KCNE4: variants seen among roughly 807,000 people sequenced by gnomAD.
KCNE4 encodes the protein potassium voltage-gated channel subfamily E regulatory subunit 4.
KCNE4 carries 6 observed loss-of-function variants against 9.2 expected under a neutral mutation model. The ratio of observed to expected loss-of-function variants is 0.65; its 90% CI spans 0.36 to 1.29. KCNE4 has a LOEUF of 1.29. Among genes scored for constraint, KCNE4 ranks in the 50% most tolerant of loss-of-function variants. The pLI is 0.03. For missense variants in KCNE4, 222 were observed against 228.8 expected (o/e 0.97, Z 0.19); for synonymous variants, 115 against 103.2 (o/e 1.11, Z -0.70).
Position 223,052,225 on chromosome 2 carries a change from T to C in KCNE4, c.-73T>C. On this transcript the variant is annotated 5_prime_UTR_variant, in exon 1 of 2. Coordinates refer to ENST00000281830, the MANE Select transcript of KCNE4 (RefSeq NM_080671.4). Reference sequence around the variant, plus strand: ...GCCGGACAGAGCAGAAGAACCCTCTTGGACTGGACGATTTGGGAATTCAAA... The same window carrying C: ...GCCGGACAGAGCAGAAGAACCCTCTCGGACTGGACGATTTGGGAATTCAAA... 5.7e-6 allele frequency: 7 copies of C among 1,235,602 alleles called. No homozygotes were observed. Among genetic ancestry groups the C allele is most frequent in the Non-Finnish European group, 7.1e-6 (7 of 990,402 alleles). 76.5% of individuals were successfully genotyped at this position (1,235,602 alleles called of 1,614,324 possible).
chr2:223,052,310 A>C, intron 1 of KCNE4, 36 bp downstream of exon 1: 1 of 1,234,842 alleles, frequency 8.1e-7, no homozygotes, highest in Non-Finnish European at 1.0e-6. Flanking sequence ...TTTCAGAAAC[A>C]TTTGAAAGAG....
chr2:223,053,496 G>C lies in KCNE4; in HGVS notation c.*153G>C, dbSNP rs1225478249. On this transcript the variant is annotated 3_prime_UTR_variant, in exon 2 of 2. Transcript: ENST00000281830. This position sits in a 1 kb window ranked among gnomAD's most constrained non-coding sequence, Gnocchi z 4.1. ...TGATTCGGGGTGGGGTGGGGGACTAGGCTCAGCCGGAACCAGCACCTCCAA... is the reference window on the plus strand; with the variant it reads ...TGATTCGGGGTGGGGTGGGGGACTACGCTCAGCCGGAACCAGCACCTCCAA... The C allele has an allele frequency of 1.2e-6, 1 of 815,372 alleles. No individual in the cohort carries two copies. The highest frequency in any genetic ancestry group is 2.0e-6 in the Non-Finnish European group (1 of 491,708). The allele number at this position is 815,372 out of a possible 1,614,324, so 50.5% of individuals were successfully genotyped here. A position where few individuals can be genotyped will look rare whatever the true frequency, so the allele number is the denominator to read the frequency against.
Position 223,053,519 on chromosome 2 carries a change from C to A in KCNE4, c.*176C>A. 1 of 696,164 alleles carries A rather than the reference C, an allele frequency of 1.4e-6. No homozygotes were observed. The highest frequency in any genetic ancestry group is 2.5e-6 in the Non-Finnish European group (1 of 392,532). The allele number at this position is 696,164 out of a possible 1,614,324, so 43.1% of individuals were successfully genotyped here. A position where few individuals can be genotyped will look rare whatever the true frequency, so the allele number is the denominator to read the frequency against. On this transcript the variant is annotated 3_prime_UTR_variant, in exon 2 of 2. Transcript: ENST00000281830. The surrounding 1 kb of genome is among the most constrained non-coding windows in gnomAD (Gnocchi z 4.1). ...TAGGCTCAGCCGGAACCAGCACCTC[C>A]AAGGAGTCCGGGAGGTGCCTGTGGT...
rs1162637476 is a variant in KCNE4 at position 223,054,389 on chromosome 2, C to G, written c.*1046C>G. The stretch of plus-strand genomic sequence containing the variant: ...CTCGCTGTCTGCATGAGGCTCCCGA[C>G]GATCTCCATCCCCAGGGGGTTGGGA... On this transcript the variant is annotated 3_prime_UTR_variant, in exon 2 of 2. Coordinates refer to ENST00000281830, the MANE Select transcript of KCNE4 (RefSeq NM_080671.4). 2 of 167,078 alleles carry G rather than the reference C, an allele frequency of 1.2e-5. No homozygotes were observed. The highest frequency in any genetic ancestry group is 2.9e-5 in the Non-Finnish European group (2 of 68,118). 10.3% of individuals were successfully genotyped at this position (167,078 alleles called of 1,614,324 possible). A position where few individuals can be genotyped will look rare whatever the true frequency, so the allele number is the denominator to read the frequency against.
rs1698711024 is a variant in KCNE4 at position 223,052,721 on chromosome 2, G to A, written c.-23-87G>A. The A allele has an allele frequency of 6.3e-6, 9 of 1,427,416 alleles. No individual in the cohort carries two copies. In the South Asian group the frequency reaches 9.8e-5, roughly 16 times the overall value. The allele number at this position is 1,427,416 out of a possible 1,614,324, so 88.4% of individuals were successfully genotyped here. A position where few individuals can be genotyped will look rare whatever the true frequency, so the allele number is the denominator to read the frequency against. On this transcript the variant is annotated intron_variant, in intron 1 of 1. Coordinates refer to ENST00000281830, the MANE Select transcript of KCNE4 (RefSeq NM_080671.4). The stretch of plus-strand genomic sequence containing the variant: ...TTTCATGCACTTTTAAGCTTTTTTG[G>A]TATTGCAGTTCCACAAACCTCGTGC...
rs746551663 is a variant in KCNE4 at position 223,053,410 on chromosome 2, A to T, written c.*67A>T. 4.1e-6 allele frequency: 6 copies of T among 1,477,244 alleles called. No homozygotes were observed. The highest frequency in any genetic ancestry group is 5.6e-6 in the Non-Finnish European group (6 of 1,073,992). 91.5% of individuals were successfully genotyped at this position (1,477,244 alleles called of 1,614,324 possible). On this transcript the variant is annotated 3_prime_UTR_variant, in exon 2 of 2. Transcript: ENST00000281830. The surrounding 1 kb of genome is among the most constrained non-coding windows in gnomAD (Gnocchi z 4.1). ...CTTAGAGAGAGGAAAGACAGTTTTCAAGTGTCTGGTTTCACTTTCACAGTG... is the reference window on the plus strand; with the variant it reads ...CTTAGAGAGAGGAAAGACAGTTTTCTAGTGTCTGGTTTCACTTTCACAGTG...
In KCNE4 at chr2:223,053,181, C is replaced by G. The variant is rs760380181; in HGVS notation, c.351C>G (p.Leu117=). The change falls in exon 2 of 2, where the codon CTC becomes CTG. Residue 117 remains leucine (L), a synonymous_variant. Coordinates refer to ENST00000281830, the MANE Select transcript of KCNE4 (RefSeq NM_080671.4). The surrounding 1 kb of genome is among the most constrained non-coding windows in gnomAD (Gnocchi z 4.1). ...TGGCGCCCGCGCTGTCCTGCACCCTCTGTTCCATGGAAGGGGACAGCGTGA... is the reference window on the plus strand; with the variant it reads ...TGGCGCCCGCGCTGTCCTGCACCCTGTGTTCCATGGAAGGGGACAGCGTGA... ...ESVAPALSCT[L]CSMEGDSVSS... The G allele has an allele frequency of 1.2e-6, 2 of 1,611,580 alleles. No individual in the cohort carries two copies. The highest frequency in any genetic ancestry group is 8.5e-7 in the Non-Finnish European group (1 of 1,178,214).
In KCNE4 at chr2:223,055,611, A is replaced by G. The variant is rs978675682; in HGVS notation, c.*2268A>G. On this transcript the variant is annotated 3_prime_UTR_variant, in exon 2 of 2. Transcript: ENST00000281830. ...TTTTTTAATTTAAATAAATAAACAC[A>G]TTTTTTCCCTCCTGGGAAGTCATGA... is the stretch of plus-strand genomic sequence containing the variant. The G allele has an allele frequency of 1.2e-5, 2 of 163,626 alleles. No homozygotes were observed. Among genetic ancestry groups the G allele is most frequent in the Non-Finnish European group, 2.9e-5 (2 of 68,078 alleles). 10.1% of individuals were successfully genotyped at this position (163,626 alleles called of 1,614,324 possible).
In KCNE4 at chr2:223,054,886, C is replaced by G. The variant is rs1574612434; in HGVS notation, c.*1543C>G. 3 of 166,696 alleles carry G rather than the reference C, an allele frequency of 1.8e-5. No individual in the cohort carries two copies. In the South Asian group the frequency reaches 6.2e-4, roughly 35 times the overall value. The allele number at this position is 166,696 out of a possible 1,614,324, so 10.3% of individuals were successfully genotyped here. ...TTATTTTTTATTTTTAAGACAGAAT[C>G]TCGCTCTGTTGCCCAGGCTGGAGTG... On this transcript the variant is annotated 3_prime_UTR_variant, in exon 2 of 2. Transcript: ENST00000281830.
In KCNE4 at chr2:223,054,336, G is replaced by C. The variant is rs887225488; in HGVS notation, c.*993G>C. The C allele has an allele frequency of 1.2e-5, 2 of 167,080 alleles. No homozygotes were observed. The highest frequency in any genetic ancestry group is 2.9e-5 in the Non-Finnish European group (2 of 68,126). 10.3% of individuals were successfully genotyped at this position (167,080 alleles called of 1,614,324 possible). On this transcript the variant is annotated 3_prime_UTR_variant, in exon 2 of 2. Coordinates refer to ENST00000281830, the MANE Select transcript of KCNE4 (RefSeq NM_080671.4). Reference sequence around the variant, plus strand: ...TCCCGAGCCCTGACACTCATTTGCTGTGTGGTCCCGGGCATGTCATCAAGA... The same window carrying C: ...TCCCGAGCCCTGACACTCATTTGCTCTGTGGTCCCGGGCATGTCATCAAGA...
In KCNE4 at chr2:223,052,857, C is replaced by A; in HGVS notation, c.27C>A (p.Ser9Arg). The change falls in exon 2 of 2, where the codon AGC (serine) becomes AGA (arginine). Residue 9 changes from serine to arginine, a missense_variant. By Grantham distance (110) the Ser-to-Arg change is moderately radical. Transcript: ENST00000281830. Reference sequence around the variant, plus strand: ...TGCTGAAAATGGAGCCTCTGAACAGCACGCACCCCGGCACCGCCGCCTCCA... The same window carrying A: ...TGCTGAAAATGGAGCCTCTGAACAGAACGCACCCCGGCACCGCCGCCTCCA... MLKMEPLNSTHPGTAASSS... is the reference protein window; with the variant it reads MLKMEPLNRTHPGTAASSS... 1 of 1,613,148 alleles carries A rather than the reference C, an allele frequency of 6.2e-7. No individual in the cohort carries two copies.
At position 223,053,661 on chromosome 2, in the gene KCNE4, T is replaced by A; in HGVS notation, c.*318T>A. The A allele has an allele frequency of 2.5e-6, 1 of 399,266 alleles. No homozygotes were observed. Among genetic ancestry groups the A allele is most frequent in the Non-Finnish European group, 4.9e-6 (1 of 202,740 alleles). 24.7% of individuals were successfully genotyped at this position (399,266 alleles called of 1,614,324 possible). A position where few individuals can be genotyped will look rare whatever the true frequency, so the allele number is the denominator to read the frequency against. ...GATGATATGTTTGCCATTTTCTCAC[T>A]GGATGCCCTGGGTAGCTCCTGCAGG... On this transcript the variant is annotated 3_prime_UTR_variant, in exon 2 of 2. Coordinates refer to ENST00000281830, the MANE Select transcript of KCNE4 (RefSeq NM_080671.4). The surrounding 1 kb of genome is among the most constrained non-coding windows in gnomAD (Gnocchi z 4.1).
In KCNE4 at chr2:223,053,517, T is replaced by G; in HGVS notation, c.*174T>G. ...ACTAGGCTCAGCCGGAACCAGCACCTCCAAGGAGTCCGGGAGGTGCCTGTG... is the reference window on the plus strand; with the variant it reads ...ACTAGGCTCAGCCGGAACCAGCACCGCCAAGGAGTCCGGGAGGTGCCTGTG... On this transcript the variant is annotated 3_prime_UTR_variant, in exon 2 of 2. Transcript: ENST00000281830. The surrounding 1 kb of genome is among the most constrained non-coding windows in gnomAD (Gnocchi z 4.1). 1 of 695,944 alleles carries G rather than the reference T, an allele frequency of 1.4e-6. No individual in the cohort carries two copies. The highest frequency in any genetic ancestry group is 2.5e-6 in the Non-Finnish European group (1 of 392,444). 43.1% of individuals were successfully genotyped at this position (695,944 alleles called of 1,614,324 possible).
chr2:223,052,808 C>A lies in KCNE4; in HGVS notation c.-23C>A. 1 of 1,607,212 alleles carries A rather than the reference C, an allele frequency of 6.2e-7. No individual in the cohort carries two copies. Among genetic ancestry groups the A allele is most frequent in the Non-Finnish European group, 8.5e-7 (1 of 1,179,896 alleles). On this transcript the variant is annotated splice_region_variant and 5_prime_UTR_variant, in exon 2 of 2. Transcript: ENST00000281830. ...TTCTAACCTGCGGCTTTTTCCCCAG[C>A]CCCTGCTGTGGAGGCAGCCTCAATG... is the stretch of plus-strand genomic sequence containing the variant.
At chr2:223,052,777 G>T in intron 1 of KCNE4, 31 bp from the exon 2 acceptor site, 1 of 1,599,790 alleles carries the variant, frequency 6.3e-7, no homozygotes, top group Non-Finnish European at 8.5e-7. Context: ...AGGACCTGGG[G>T]GAGAGTTCTA....
Position 223,054,851 on chromosome 2 carries a change from T to G in KCNE4, c.*1508T>G, listed in dbSNP as rs1343858290. 1 of 166,498 alleles carries G rather than the reference T, an allele frequency of 6.0e-6. No homozygotes were observed. The highest frequency in any genetic ancestry group is 2.4e-5 in the African/African-American group (1 of 41,454). 10.3% of individuals were successfully genotyped at this position (166,498 alleles called of 1,614,324 possible). Reference sequence around the variant, plus strand: ...TTAAAAAAACTTTTAAAAAAATTATTTATTTATTATTATTTTTTATTTTTA... The same window carrying G: ...TTAAAAAAACTTTTAAAAAAATTATGTATTTATTATTATTTTTTATTTTTA... On this transcript the variant is annotated 3_prime_UTR_variant, in exon 2 of 2. Coordinates refer to ENST00000281830, the MANE Select transcript of KCNE4 (RefSeq NM_080671.4).
In KCNE4 at chr2:223,055,197, G is replaced by A. The variant is rs993234927; in HGVS notation, c.*1854G>A. On this transcript the variant is annotated 3_prime_UTR_variant, in exon 2 of 2. Transcript: ENST00000281830. ...TAAAGAAAAATGCTCTGCATGGATTGGAGACACAGCAATAACTACTGTTGC... is the reference window on the plus strand; with the variant it reads ...TAAAGAAAAATGCTCTGCATGGATTAGAGACACAGCAATAACTACTGTTGC... 5 of 166,354 alleles carry A rather than the reference G, an allele frequency of 3.0e-5. No individual in the cohort carries two copies. The highest frequency in any genetic ancestry group is 1.9e-4 in the East Asian group (1 of 5,180). 10.3% of individuals were successfully genotyped at this position (166,354 alleles called of 1,614,324 possible).
Position 223,053,457 on chromosome 2 carries a change from C to T in KCNE4, c.*114C>T. The T allele has an allele frequency of 1.8e-6, 2 of 1,092,584 alleles. No individual in the cohort carries two copies. The highest frequency in any genetic ancestry group is 2.7e-6 in the Non-Finnish European group (2 of 731,424). The allele number at this position is 1,092,584 out of a possible 1,614,324, so 67.7% of individuals were successfully genotyped here. On this transcript the variant is annotated 3_prime_UTR_variant, in exon 2 of 2. Transcript: ENST00000281830. The surrounding 1 kb of genome is among the most constrained non-coding windows in gnomAD (Gnocchi z 4.1). ...AGTGCGGCTGCCACTTTGAAGAGACCCTTGGTAAACCCCTGATTCGGGGTG... is the reference window on the plus strand; with the variant it reads ...AGTGCGGCTGCCACTTTGAAGAGACTCTTGGTAAACCCCTGATTCGGGGTG...
chr2:223,052,618 C>A (rs79207099), intron 1 of KCNE4, among the ~76,000 whole-genome samples, 190 bp from the exon 2 acceptor site: 1 of 150,432 alleles, frequency 6.6e-6, no homozygotes, highest in South Asian at 2.1e-4. Context: ...TGAACCTTCC[C>A]GGGCTTCTCT....
Sources: allele counts gnomAD v4.1 joint callset (sites outside exome capture counted in the v4.1 genomes callset), GRCh38; gene constraint gnomAD v4.1.1; non-coding constraint Gnocchi (gnomAD v3.1); transcripts MANE v1.5; gene names NCBI Gene and HGNC (gene_info 2026-07-23, HGNC 2026-07-21).